Variants in KMT2D observed in about 807,000 individuals in gnomAD.
KMT2D encodes lysine methyltransferase 2D.
In KMT2D, 55 loss-of-function variants were observed where a neutral mutation model predicts 512.7. That is an observed-to-expected ratio of 0.11 (90% confidence interval 0.09 to 0.13). The LOEUF (loss-of-function observed/expected upper bound fraction) is 0.13. KMT2D is among the 10% of genes least tolerant of loss of function. KMT2D has a pLI of 1.00. For synonymous variants in KMT2D, 2,995 were observed against 2,904.0 expected, an observed-to-expected ratio of 1.03 and a Z score of -1.01; for missense variants, 6,061 against 7,127.9, an observed-to-expected ratio of 0.85 and a Z score of 5.39.
chr12:49,045,433 G>A (rs1473185882), intron 19 of KMT2D, among the ~76,000 whole-genome samples: 3 of 152,082 alleles, frequency 2.0e-5, no homozygotes, highest in East Asian at 1.9e-4. Flanking sequence ...CACGAGGTCC[G>A]GAGATCGAGA....
At chr12:49,043,336 G>A (rs1009360458) in intron 25 of KMT2D, 27 bp downstream of exon 25, 1 of 1,612,012 alleles carries the variant, frequency 6.2e-7, no homozygotes. Flanking sequence ...GGCCAAGACA[G>A]GACACAGTAA....
intron 1 of KMT2D, among the ~76,000 whole-genome samples, chr12:49,059,118 G>T (rs915064188): frequency 6.6e-6 from 1 of 152,164 alleles, no homozygotes; most frequent in African/African-American, 2.4e-5. Flanking sequence ...AGGATCTGGG[G>T]TTCCTTGAGT....
chr12:49,028,728 A>C, intron 46 of KMT2D, 100 bp downstream of exon 46: 1 of 1,468,200 alleles, frequency 6.8e-7, no homozygotes, highest in Non-Finnish European at 9.3e-7. Context: ...GGTACTCAGT[A>C]CATGTGCTTG....
At chr12:49,058,167 C>T (rs925533884) in intron 1 of KMT2D, among the ~76,000 whole-genome samples, 3 of 152,160 alleles carry the variant, frequency 2.0e-5, no homozygotes, top group Non-Finnish European at 4.4e-5. Context: ...GAGATGGATC[C>T]AAATGGAACA....
At chr12:49,048,832 T>C (rs954586595) in intron 13 of KMT2D, 63 bp from the exon 14 acceptor site, 22 of 1,125,088 alleles carry the variant, frequency 2.0e-5, no homozygotes, top group Non-Finnish European at 2.6e-5. Flanking sequence ...GCTACTTTCC[T>C]CTTTGGTGTT....
Position 49,031,644 on chromosome 12 carries a change from G to C in KMT2D, c.13061C>G (p.Pro4354Arg), listed in dbSNP as rs2120422232. ...PKPQGPTLEP[P>R]PGRVSPAAAQ... ...AGCAGCAGGTGAGACCCTCCCAGGA[G>C]GCGGCTCCAAGGTTGGCCCCTGAGG... Residue 4354 changes from proline (P) to arginine (R), a missense_variant, in exon 40 of 55, where the codon CCT becomes CGT. Around this residue, in one of 16 missense-constraint regions of KMT2D, gnomAD observed 1,600 missense variants for 1,754.9 expected, o/e 0.91. Coordinates refer to ENST00000301067, the MANE Select transcript of KMT2D (RefSeq NM_003482.4). The C allele has an allele frequency of 1.9e-6, 3 of 1,605,912 alleles. No individual in the cohort carries two copies. Among genetic ancestry groups the C allele is most frequent in the Non-Finnish European group, 2.6e-6 (3 of 1,176,398 alleles).
rs2120705967 is a variant in KMT2D, at chr12:49,054,210, T to C, written c.511-70A>G. ...AGACAAACAGTTCAGGCACTAGCTCTGCCCCAGTATACCCATGGTCCTTCT... is the reference window on the plus strand; with the variant it reads ...AGACAAACAGTTCAGGCACTAGCTCCGCCCCAGTATACCCATGGTCCTTCT... On this transcript the variant is annotated intron_variant, in intron 5 of 54. Coordinates refer to ENST00000301067, the MANE Select transcript of KMT2D (RefSeq NM_003482.4). The surrounding 1 kb of genome is among the most constrained non-coding windows in gnomAD (Gnocchi z 6.4). 1 of 1,535,300 alleles carries C rather than the reference T, an allele frequency of 6.5e-7. No homozygotes were observed. The highest frequency in any genetic ancestry group is 8.8e-7 in the Non-Finnish European group (1 of 1,133,906).
At position 49,040,384 on chromosome 12, in the gene KMT2D, T is replaced by A. The variant is rs768532619; in HGVS notation, c.7386A>T (p.Pro2462=). 6.4e-7 allele frequency: 1 copy of A among 1,565,560 alleles called. No homozygotes were observed. ...RPPSRPQSRD[P]FAPLHKPPRP... ...GGGGTGGCTTATGCAATGGGGCAAA[T>A]GGGTCACGGGACTGAGGGCGTGAGG... The change falls in exon 32 of 55, where the codon CCA becomes CCT. Residue 2462 remains proline (P), a synonymous_variant. Coordinates refer to ENST00000301067, the MANE Select transcript of KMT2D (RefSeq NM_003482.4).
rs146907188 is a variant in KMT2D at position 49,029,945 on chromosome 12, C to T, written c.13999+335G>A. Among the ~76,000 whole-genome samples, 547 of 152,300 alleles carry T rather than the reference C, an allele frequency of 3.6e-3. 3 individuals are homozygous for T. Among genetic ancestry groups the T allele is most frequent in the South Asian group, 6.8e-3 (33 of 4,824 alleles). ...ACAAGTCAATCAAGTTACTTGGATA[C>T]AGTAACACAGTTGAATGAATGCAGG... is the stretch of plus-strand genomic sequence containing the variant. On this transcript the variant is annotated intron_variant, in intron 43 of 54. Coordinates refer to ENST00000301067, the MANE Select transcript of KMT2D (RefSeq NM_003482.4).
rs398123707 is a variant in KMT2D, at chr12:49,033,482, TTGCTGCTGC to T, written c.11214_11222del (p.Gln3743_Gln3745del). On this transcript the variant is annotated inframe_deletion, in exon 40 of 55. Coordinates refer to ENST00000301067, the MANE Select transcript of KMT2D (RefSeq NM_003482.4). The stretch of plus-strand genomic sequence containing the variant: ...GTCCTAGAAGGTGCTGCTGCTGCTG[TTGCTGCTGC>T]TGCTGCTGCTGCAGTTTCTGGGCCA... The T allele has an allele frequency of 9.9e-6, 16 of 1,611,216 alleles. No homozygotes were observed. Among genetic ancestry groups the T allele is most frequent in the African/African-American group, 2.7e-5 (2 of 74,758 alleles).
In KMT2D at chr12:49,037,701, C is replaced by T. The variant is rs369597292; in HGVS notation, c.9655G>A (p.Ala3219Thr). 30 of 1,586,188 alleles carry T rather than the reference C, an allele frequency of 1.9e-5. No individual in the cohort carries two copies. The highest frequency in any genetic ancestry group is 2.5e-5 in the Non-Finnish European group (29 of 1,166,242). The change falls in exon 35 of 55, where the codon GCT (alanine) becomes ACT (threonine). Residue 3219 changes from alanine (A) to threonine (T), a missense_variant. Physicochemically the swap from Ala to Thr is moderately conservative, Grantham distance 58. Coordinates refer to ENST00000301067, the MANE Select transcript of KMT2D (RefSeq NM_003482.4). Reference protein sequence around the residue: ...LLEKFELESGALTLPGGPAAS... With the variant: ...LLEKFELESGTLTLPGGPAAS... ...GCAGGTCCACCAGGCAAGGTCAAAG[C>T]CCCACTCTCGAGCTCAAACTTTTCC...
rs1411335750 is a variant in KMT2D at position 49,033,350 on chromosome 12, G to A, written c.11355C>T (p.Leu3785=). 1 of 1,590,916 alleles carries A rather than the reference G, an allele frequency of 6.3e-7. No homozygotes were observed. Among genetic ancestry groups the A allele is most frequent in the South Asian group, 1.1e-5 (1 of 87,750 alleles). The part of the protein sequence containing the change: ...GLMPPSSHQG[L]LVQQLSPQPP... ...GTTGAGGGGACAGCTGCTGGACCAG[G>A]AGGCCTTGGTGGCTGCTGGGAGGCA... is the stretch of plus-strand genomic sequence containing the variant. The change falls in exon 40 of 55, where the codon CTC becomes CTT. Residue 3785 remains leucine (L), a synonymous_variant. Transcript: ENST00000301067.
At position 49,044,555 on chromosome 12, in the gene KMT2D, T is replaced by C. The variant is rs2120585541; in HGVS notation, c.4964-33A>G. The C allele has an allele frequency of 6.2e-7, 1 of 1,611,016 alleles. No homozygotes were observed. The highest frequency in any genetic ancestry group is 1.1e-5 in the South Asian group (1 of 90,738). On this transcript the variant is annotated intron_variant, in intron 20 of 54. Coordinates refer to ENST00000301067, the MANE Select transcript of KMT2D (RefSeq NM_003482.4). The surrounding 1 kb of genome is among the most constrained non-coding windows in gnomAD (Gnocchi z 6.4). ...TGGTGACAGAAGAGATGGAGGCAAA[T>C]CAGAACTATAGGCCCTTTTAACCTT...
Position 49,040,963 on chromosome 12 carries a change from G to C in KMT2D, c.6807C>G (p.Ser2269=), listed in dbSNP as rs73302197. ...AAGGTGGGGGCGAGAGCAGGGGCTC[G>C]GAAGCTTTGCCTCCCCCTACCCCAG... ...ESPGVGGGKA[S]EPLLSPPPFG... The change falls in exon 32 of 55, where the codon TCC becomes TCG. Residue 2269 remains serine (S), a synonymous_variant. Transcript: ENST00000301067. The C allele has an allele frequency of 6.2e-7, 1 of 1,610,724 alleles. No homozygotes were observed. The highest frequency in any genetic ancestry group is 8.5e-7 in the Non-Finnish European group (1 of 1,178,144).
chr12:49,049,647 C>G (rs1328891305), intron 12 of KMT2D, 35 bp downstream of exon 12: 1 of 1,539,258 alleles, frequency 6.5e-7, no homozygotes, highest in Non-Finnish European at 8.8e-7. Context: ...AGTGGGCTAA[C>G]TCTAATCACA....
In KMT2D at chr12:49,024,115, G is replaced by C; in HGVS notation, c.16052+463C>G. 2.2e-6 allele frequency: 1 copy of C among 455,064 alleles called. No individual in the cohort carries two copies. The allele number at this position is 455,064 out of a possible 1,614,324, so 28.2% of individuals were successfully genotyped here. A position where few individuals can be genotyped will look rare whatever the true frequency, so the allele number is the denominator to read the frequency against. On this transcript the variant is annotated intron_variant, in intron 51 of 54. Coordinates refer to ENST00000301067, the MANE Select transcript of KMT2D (RefSeq NM_003482.4). This position sits in a 1 kb window ranked among gnomAD's most constrained non-coding sequence, Gnocchi z 4.5. ...ATGTGAAAACGCTTTGAAAAAAAAA[G>C]TATAAAGTGCTATACAAATGTAAGG...
At position 49,054,617 on chromosome 12, in the gene KMT2D, C is replaced by T. The variant is rs1186616881; in HGVS notation, c.311G>A (p.Gly104Glu). Residue 104 changes from glycine (G) to glutamate (E), a missense_variant, in exon 4 of 55, where the codon GGG becomes GAG. Gly to Glu is a moderately conservative substitution (Grantham distance 98, BLOSUM62 -2). Coordinates refer to ENST00000301067, the MANE Select transcript of KMT2D (RefSeq NM_003482.4). This position sits in a 1 kb window ranked among gnomAD's most constrained non-coding sequence, Gnocchi z 6.4. ...CPVVSPGGSP[G>E]PNEAVLPSED... ...ACTGGGCAGCACTGCCTCATTGGGC[C>T]CTGGGCTCCCCCCAGGGGACACCAC... 1 of 1,613,340 alleles carries T rather than the reference C, an allele frequency of 6.2e-7. No homozygotes were observed. Among genetic ancestry groups the T allele is most frequent in the South Asian group, 1.1e-5 (1 of 90,986 alleles).
At position 49,051,346 on chromosome 12, in the gene KMT2D, T is replaced by C. The variant is rs750235479; in HGVS notation, c.2337A>G (p.Leu779=). 7.5e-6 allele frequency: 11 copies of C among 1,475,508 alleles called. No homozygotes were observed. In the African/African-American group the frequency reaches 1.2e-4, roughly 16 times the overall value. 91.4% of individuals were successfully genotyped at this position (1,475,508 alleles called of 1,614,324 possible). Residue 779 remains leucine (L), a synonymous_variant, in exon 11 of 55, where the codon CTA becomes CTG. Coordinates refer to ENST00000301067, the MANE Select transcript of KMT2D (RefSeq NM_003482.4). ...AGTGTGGCTCCTCAGGCACAGCGCATAGGCATGGCTCCTCAGGCTGGGGGG... is the reference window on the plus strand; with the variant it reads ...AGTGTGGCTCCTCAGGCACAGCGCACAGGCATGGCTCCTCAGGCTGGGGGG... ...HLSPQPEEPC[L]CAVPEEPHLS...
intron 51 of KMT2D, among the ~76,000 whole-genome samples, chr12:49,023,170 T>C (rs1942408403): frequency 6.6e-6 from 1 of 152,218 alleles, no homozygotes; most frequent in South Asian, 2.1e-4. Flanking sequence ...CTGAGCCTGT[T>C]CTCCCATCTC....
Sources: allele counts gnomAD v4.1 joint callset (sites outside exome capture counted in the v4.1 genomes callset), GRCh38; gene constraint gnomAD v4.1.1; regional missense constraint gnomAD v4.1.1; non-coding constraint Gnocchi (gnomAD v3.1); transcripts MANE v1.5; gene names NCBI Gene and HGNC (gene_info 2026-07-23, HGNC 2026-07-21).